Variants in MACROD2 observed in about 807,000 individuals in gnomAD.
MACROD2 encodes ADP-ribose glycohydrolase MACROD2.
A neutral mutation model predicts 70.4 loss-of-function variants in MACROD2; 36 were observed. The ratio of observed to expected loss-of-function variants is 0.51; its 90% CI spans 0.39 to 0.68. MACROD2 has a LOEUF of 0.68. MACROD2 is among the 30% of genes least tolerant of loss of function. MACROD2 has a pLI of 0.00. For missense variants in MACROD2, 496 were observed against 538.4 expected (o/e 0.92, Z 0.78); for synonymous variants, 172 against 178.8 (o/e 0.96, Z 0.30).
At chr20:15,762,280 G>GGAAA (rs1468065120) in intron 8 of MACROD2, among the ~76,000 whole-genome samples, 1 of 152,164 alleles carries the variant, frequency 6.6e-6, no homozygotes, top group Non-Finnish European at 1.5e-5. Flanking sequence ...TTACTCACGT[G>GGAAA]GAAAGTAAGG....
chr20:14,390,886 T>A (rs774387969), intron 3 of MACROD2, among the ~76,000 whole-genome samples: 2 of 152,178 alleles, frequency 1.3e-5, no homozygotes, highest in Non-Finnish European at 2.9e-5. Context: ...ACAACACCAC[T>A]GATCATTCAA....
chr20:14,839,362 G>T (rs1376119189), intron 5 of MACROD2, among the ~76,000 whole-genome samples: 2 of 152,080 alleles, frequency 1.3e-5, no homozygotes, highest in African/African-American at 4.8e-5. Flanking sequence ...TTTAAGCTGA[G>T]TACTTTGTGG....
At chr20:14,377,557 A>G (rs2083383852) in intron 3 of MACROD2, among the ~76,000 whole-genome samples, 2 of 152,242 alleles carry the variant, frequency 1.3e-5, no homozygotes, top group African/African-American at 4.8e-5. Flanking sequence ...TTTCTGTAGA[A>G]GAGACAAATA....
chr20:15,240,578 A>C (rs142518896), intron 6 of MACROD2, among the ~76,000 whole-genome samples: 1 of 152,220 alleles, frequency 6.6e-6, no homozygotes, highest in African/African-American at 2.4e-5. Context: ...GAAAAGAAGA[A>C]GAAGAAAAAG....
intron 3 of MACROD2, among the ~76,000 whole-genome samples, chr20:14,362,117 T>A (rs766146017): frequency 1.3e-5 from 2 of 152,242 alleles, no homozygotes; most frequent in African/African-American, 4.8e-5. Flanking sequence ...AGTCCTAAGA[T>A]GTTACTCAGG....
At chr20:14,136,169 C>T (rs1481154051) in intron 3 of MACROD2, among the ~76,000 whole-genome samples, 1 of 151,974 alleles carries the variant, frequency 6.6e-6, no homozygotes, top group Non-Finnish European at 1.5e-5. Flanking sequence ...AAAAATCAAT[C>T]CTATTTCTAT....
At chr20:14,842,017 G>A (rs1012828608) in intron 5 of MACROD2, among the ~76,000 whole-genome samples, 1 of 146,358 alleles carries the variant, frequency 6.8e-6, no homozygotes. Context: ...AAGAAAAGAG[G>A]TTTTTTGTTT....
At chr20:15,742,399 G>T (rs1015556756) in intron 8 of MACROD2, among the ~76,000 whole-genome samples, 17 of 152,136 alleles carry the variant, frequency 1.1e-4, no homozygotes, top group African/African-American at 4.1e-4. Flanking sequence ...CCCTCAATCT[G>T]GATGTTTCGA....
chr20:14,729,673 T>A (rs999574442), intron 5 of MACROD2, among the ~76,000 whole-genome samples: 4 of 152,096 alleles, frequency 2.6e-5, no homozygotes, highest in African/African-American at 4.8e-5. Flanking sequence ...TACTTTAAGG[T>A]TCTCTTGGGT....
intron 8 of MACROD2, among the ~76,000 whole-genome samples, chr20:15,712,059 A>C (rs986398446): frequency 6.6e-5 from 10 of 152,214 alleles, no homozygotes; most frequent in African/African-American, 2.4e-4. Flanking sequence ...GAGTATTTCC[A>C]AGAATACACC....
At chr20:14,575,181 TTTAC>T (rs1980513150) in intron 4 of MACROD2, among the ~76,000 whole-genome samples, 1 of 151,988 alleles carries the variant, frequency 6.6e-6, no homozygotes, top group South Asian at 2.1e-4. Flanking sequence ...AAAATATTTA[TTTAC>T]TAATTACCTT....
At chr20:14,152,883 G>A (rs2055044723) in intron 3 of MACROD2, among the ~76,000 whole-genome samples, 3 of 152,066 alleles carry the variant, frequency 2.0e-5, no homozygotes, top group Non-Finnish European at 2.9e-5. Context: ...TTTACCTATC[G>A]TTAAGCAGTT....
At chr20:15,260,014 A>G (rs993925397) in intron 6 of MACROD2, among the ~76,000 whole-genome samples, 2 of 151,898 alleles carry the variant, frequency 1.3e-5, no homozygotes, top group African/African-American at 4.8e-5. Flanking sequence ...TGGATGCATA[A>G]TAGTTGTACA....
At chr20:14,166,682 C>T (rs936621867) in intron 3 of MACROD2, among the ~76,000 whole-genome samples, 2 of 152,156 alleles carry the variant, frequency 1.3e-5, no homozygotes, top group Non-Finnish European at 1.5e-5. Context: ...TTGGGCTCAC[C>T]TTCCATCCCA....
At chr20:14,838,236 A>C (rs772601053) in intron 5 of MACROD2, among the ~76,000 whole-genome samples, 2 of 152,118 alleles carry the variant, frequency 1.3e-5, no homozygotes, top group Non-Finnish European at 2.9e-5. Context: ...CAAATCAGCT[A>C]CTATAAAATT....
chr20:15,487,844 G>T (rs1321456016), intron 7 of MACROD2, among the ~76,000 whole-genome samples: 2 of 152,184 alleles, frequency 1.3e-5, no homozygotes, highest in Non-Finnish European at 2.9e-5. Flanking sequence ...AAAGCCAATA[G>T]TCAGGGGATT....
chr20:14,669,327 T>C (rs1338688489), intron 4 of MACROD2, among the ~76,000 whole-genome samples: 1 of 152,176 alleles, frequency 6.6e-6, no homozygotes, highest in African/African-American at 2.4e-5. Context: ...GATTTTATAT[T>C]TTTGCAAATA....
Position 14,334,180 on chromosome 20 carries a change from G to A in MACROD2, c.272-159299G>A, listed in dbSNP as rs147266541. 1.5e-3 allele frequency among the ~76,000 whole-genome samples: 231 copies of A among 152,172 alleles called. 1 individual carries two copies. In the East Asian group the frequency reaches 0.041, roughly 27 times the overall value. ...AAAATCTGTTTTCTCTGGGGTTTTCGTAAATAGATAACTCAAAGTTCTTTC... is the reference window on the plus strand; with the variant it reads ...AAAATCTGTTTTCTCTGGGGTTTTCATAAATAGATAACTCAAAGTTCTTTC... On this transcript the variant is annotated intron_variant, in intron 3 of 17. Transcript: ENST00000684519.
intron 3 of MACROD2, among the ~76,000 whole-genome samples, chr20:14,221,108 TTATTGCTTTAGGATA>T (rs1423510485): frequency 6.6e-6 from 1 of 152,228 alleles, no homozygotes; most frequent in African/African-American, 2.4e-5. Flanking sequence ...GCTGTCAACA[TTATTGCTTTAGGATA>T]TATTTTGTTT....
Sources: allele counts gnomAD v4.1 joint callset (sites outside exome capture counted in the v4.1 genomes callset), GRCh38; gene constraint gnomAD v4.1.1; transcripts MANE v1.5; gene names NCBI Gene and HGNC (gene_info 2026-07-23, HGNC 2026-07-21).